SHISAL1: variants seen among roughly 807,000 people sequenced by gnomAD.
SHISAL1 encodes the protein protein shisa-like-1.
SHISAL1 carries 9 observed loss-of-function variants against 22.6 expected under a neutral mutation model. The observed-to-expected ratio is 0.40, with a 90% confidence interval of 0.24 to 0.70. The LOEUF (loss-of-function observed/expected upper bound fraction) is 0.70. Among genes scored for constraint, SHISAL1 ranks in the 30% least tolerant of loss-of-function variants. The probability of loss-of-function intolerance (pLI) is 0.39; values close to 1 mark genes in which losing one functional copy is unlikely to be tolerated. For synonymous variants in SHISAL1, 119 were observed against 115.4 expected, an observed-to-expected ratio of 1.03 and a Z score of -0.20; for missense variants, 246 against 270.6, an observed-to-expected ratio of 0.91 and a Z score of 0.64.
rs1001582167 is a variant in SHISAL1 at position 44,244,614 on chromosome 22, C to G, written c.*5071G>C. ...GCAATGACACCTCCAAGGTCACTTT[C>G]ACGGGTGGGACAGGTAAGTGTTCTG... On this transcript the variant is annotated 3_prime_UTR_variant, in exon 5 of 5. Transcript: ENST00000381176. The G allele has an allele frequency of 6.6e-6, 1 of 152,186 alleles. No individual in the cohort carries two copies. Among genetic ancestry groups the G allele is most frequent in the African/African-American group, 2.4e-5 (1 of 41,442 alleles). 9.4% of individuals were successfully genotyped at this position (152,186 alleles called of 1,614,324 possible).
intron 4 of SHISAL1, among the ~76,000 whole-genome samples, chr22:44,283,765 T>C (rs2055292496): frequency 6.6e-6 from 1 of 152,244 alleles, no homozygotes; most frequent in Non-Finnish European, 1.5e-5. Flanking sequence ...TTGGCTCTTA[T>C]AGACGTTTTC....
intron 4 of SHISAL1, among the ~76,000 whole-genome samples, chr22:44,249,994 A>C (rs1458764936): frequency 6.6e-6 from 1 of 152,238 alleles, no homozygotes; most frequent in Non-Finnish European, 1.5e-5. Context: ...ATTTAACAGA[A>C]TCAACAGGTT....
chr22:44,269,601 C>T (rs1601784109), intron 4 of SHISAL1, among the ~76,000 whole-genome samples: 1 of 150,366 alleles, frequency 6.7e-6, no homozygotes, highest in African/African-American at 2.4e-5. Context: ...TACACACACA[C>T]ACGCCACACA....
intron 4 of SHISAL1, among the ~76,000 whole-genome samples, chr22:44,260,538 G>T (rs2147272280): frequency 6.6e-6 from 1 of 152,330 alleles, no homozygotes; most frequent in East Asian, 1.9e-4. Flanking sequence ...AGGAGGCTTG[G>T]AGAGGAGGTC....
At chr22:44,300,200 CAG>C (rs2055418505) in intron 2 of SHISAL1, among the ~76,000 whole-genome samples, 1 of 151,398 alleles carries the variant, frequency 6.6e-6, no homozygotes, top group African/African-American at 2.4e-5. Context: ...CACAGACACA[CAG>C]AGAGAGACAG....
upstream of SHISAL1, among the ~76,000 whole-genome samples, chr22:44,317,111 C>G (rs1006140102): frequency 1.3e-5 from 2 of 152,224 alleles, no homozygotes; most frequent in African/African-American, 4.8e-5. Context: ...GGCTGGAGGG[C>G]CCCTGTCCAT....
At chr22:44,306,321 C>CGTGTGTGG (rs2055471853) in intron 1 of SHISAL1, among the ~76,000 whole-genome samples, 1 of 107,986 alleles carries the variant, frequency 9.3e-6, no homozygotes, top group African/African-American at 3.1e-5. Context: ...ATGACGATGG[C>CGTGTGTGG]ATGTGTGGAG....
rs575026432 is a variant in SHISAL1 at position 44,292,752 on chromosome 22, C to A, written c.281+3920G>T. Reference sequence around the variant, plus strand: ...AGCCCCGCCTGGACACCAGGCCCCACGTCAGCTCCCTGGGCTTGGGTCCTC... The same window carrying A: ...AGCCCCGCCTGGACACCAGGCCCCAAGTCAGCTCCCTGGGCTTGGGTCCTC... On this transcript the variant is annotated intron_variant, in intron 3 of 4. Coordinates refer to ENST00000381176, the MANE Select transcript of SHISAL1 (RefSeq NM_001099294.2). Among the ~76,000 whole-genome samples, 7 of 152,354 alleles carry A rather than the reference C, an allele frequency of 4.6e-5. 1 individual carries two copies. In the South Asian group the frequency reaches 1.4e-3, roughly 32 times the overall value.
intron 4 of SHISAL1, among the ~76,000 whole-genome samples, chr22:44,266,938 G>A (rs1473976078): frequency 6.6e-6 from 1 of 152,136 alleles, no homozygotes; most frequent in African/African-American, 2.4e-5. Flanking sequence ...GAAAGAAGCT[G>A]GCGGGCATCC....
chr22:44,292,492 G>A (rs905456820), intron 3 of SHISAL1, among the ~76,000 whole-genome samples: 1 of 152,114 alleles, frequency 6.6e-6, no homozygotes, highest in African/African-American at 2.4e-5. Flanking sequence ...CCAGCCTGGG[G>A]CCCAGCCCCT....
chr22:44,304,592 G>A (rs1448651876), intron 1 of SHISAL1, among the ~76,000 whole-genome samples: 2 of 152,200 alleles, frequency 1.3e-5, no homozygotes, highest in African/African-American at 2.4e-5. Context: ...CCTGGGAGCT[G>A]TAAGCTGCTT....
intron 3 of SHISAL1, among the ~76,000 whole-genome samples, chr22:44,289,099 A>T (rs9614422): frequency 6.6e-6 from 1 of 152,148 alleles, no homozygotes; most frequent in African/African-American, 2.4e-5. Flanking sequence ...GCAGCTAATA[A>T]AAACACTGGC....
chr22:44,314,867 G>A (rs988683215), upstream of SHISAL1, among the ~76,000 whole-genome samples: 1 of 152,168 alleles, frequency 6.6e-6, no homozygotes, highest in African/African-American at 2.4e-5. Context: ...CACTGCAGCC[G>A]CACAGAACAT....
intron 3 of SHISAL1, among the ~76,000 whole-genome samples, chr22:44,292,059 A>G (rs1412223057): frequency 6.6e-6 from 1 of 152,190 alleles, no homozygotes; most frequent in African/African-American, 2.4e-5. Context: ...CCTGCCAGGC[A>G]GCCAGAACCA....
chr22:44,269,638 C>T (rs34944868), intron 4 of SHISAL1, among the ~76,000 whole-genome samples: 7,400 of 151,294 alleles, frequency 0.049, 624 homozygotes, highest in African/African-American at 0.17. Context: ...ACACACATGC[C>T]ACAAACAACA....
intron 3 of SHISAL1, among the ~76,000 whole-genome samples, chr22:44,290,215 T>C (rs1003862463): frequency 6.6e-6 from 1 of 152,198 alleles, no homozygotes; most frequent in Non-Finnish European, 1.5e-5. Context: ...ATGGCCCCTC[T>C]GCTAACCTCG....
At chr22:44,271,458 G>A (rs2055205095) in intron 4 of SHISAL1, among the ~76,000 whole-genome samples, 1 of 152,208 alleles carries the variant, frequency 6.6e-6, no homozygotes, top group Admixed American at 6.5e-5. Context: ...AGGAGGAACA[G>A]GGAGTGAGCA....
chr22:44,258,092 A>G (rs2055097215), intron 4 of SHISAL1, among the ~76,000 whole-genome samples: 1 of 152,140 alleles, frequency 6.6e-6, no homozygotes, highest in African/African-American at 2.4e-5. Flanking sequence ...GTGAGCTGAG[A>G]TCATGCCATT....
At chr22:44,266,536 G>A (rs113852032) in intron 4 of SHISAL1, among the ~76,000 whole-genome samples, 29 of 140,970 alleles carry the variant, frequency 2.1e-4, no homozygotes, top group African/African-American at 7.7e-4. Context: ...GTATGTGTGT[G>A]TGTGTGTGTG....
Sources: allele counts gnomAD v4.1 joint callset (sites outside exome capture counted in the v4.1 genomes callset), GRCh38; gene constraint gnomAD v4.1.1; transcripts MANE v1.5; gene names NCBI Gene and HGNC (gene_info 2026-07-23, HGNC 2026-07-21).